The following LPCAT1 variants were observed in gnomAD, a reference collection of about 807,000 sequenced individuals.
LPCAT1 encodes 1-acylglycerol-3-phosphate O-acyltransferase.
A neutral mutation model predicts 60.9 loss-of-function variants in LPCAT1; 23 were observed. The ratio of observed to expected loss-of-function variants is 0.38; its 90% confidence interval spans 0.27 to 0.53. The LOEUF (loss-of-function observed/expected upper bound fraction) is 0.53, where lower values mean the gene tolerates loss of function less well. Ranked by LOEUF, LPCAT1 falls within the 20% of genes least tolerant of loss-of-function variation. The probability of loss-of-function intolerance (pLI) is 0.82; values close to 1 mark genes in which losing one functional copy is unlikely to be tolerated. For synonymous variants in LPCAT1, 340 were observed against 301.1 expected, an observed-to-expected ratio of 1.13 and a Z score of -1.34; for missense variants, 622 against 723.6, an observed-to-expected ratio of 0.86 and a Z score of 1.61.
intron 11 of LPCAT1, among the ~76,000 whole-genome samples, chr5:1,472,196 C>T (rs78091080): frequency 2.1e-4 from 28 of 136,418 alleles, no homozygotes; most frequent in Non-Finnish European, 3.5e-4. Flanking sequence ...CAGGAGGAGG[C>T]GAGGTGAGGA....
chr5:1,479,723 A>ACC, intron 7 of LPCAT1, 48 bp from the exon 8 acceptor site: 2 of 1,436,330 alleles, frequency 1.4e-6, no homozygotes, highest in Non-Finnish European at 9.8e-7. Flanking sequence ...ACTCGGGTTA[A>ACC]CAAGTAAATT....
intron 1 of LPCAT1, among the ~76,000 whole-genome samples, chr5:1,507,855 A>G (rs760701406): frequency 6.6e-6 from 1 of 152,226 alleles, no homozygotes; most frequent in Admixed American, 6.5e-5. Context: ...GAAAGCCCCA[A>G]TGACAACAAG....
intron 1 of LPCAT1, among the ~76,000 whole-genome samples, chr5:1,520,821 C>T (rs1432220670): frequency 1.4e-5 from 2 of 146,370 alleles, no homozygotes; most frequent in African/African-American, 5.1e-5. Context: ...CGATATCGCA[C>T]CTCTGCACTC....
At chr5:1,519,307 A>G (rs114438678) in intron 1 of LPCAT1, among the ~76,000 whole-genome samples, 397 of 152,348 alleles carry the variant, frequency 2.6e-3, no homozygotes, top group African/African-American at 9.1e-3. Flanking sequence ...GTATGCACTT[A>G]TGTATATGTG....
At chr5:1,474,441 G>T in intron 10 of LPCAT1, 119 bp downstream of exon 10, 2 of 1,296,326 alleles carry the variant, frequency 1.5e-6, no homozygotes, top group Non-Finnish European at 2.1e-6. Flanking sequence ...TTTGAAAAAA[G>T]CCAGAATAAT....
intron 13 of LPCAT1, among the ~76,000 whole-genome samples, chr5:1,464,389 T>C (rs1400719381): frequency 6.6e-6 from 1 of 152,174 alleles, no homozygotes; most frequent in Non-Finnish European, 1.5e-5. Flanking sequence ...GGGCTGGTCA[T>C]GCTAGGCCGC....
chr5:1,481,104 G>A lies in LPCAT1; in HGVS notation c.727-128C>T, dbSNP rs969961528. The A allele has an allele frequency of 8.5e-7, 1 of 1,176,706 alleles. No individual in the cohort carries two copies. Among genetic ancestry groups the A allele is most frequent in the Non-Finnish European group, 1.3e-6 (1 of 799,670 alleles). 72.9% of individuals were successfully genotyped at this position (1,176,706 alleles called of 1,614,324 possible). ...AGGCGCTGCAGCCAGGGGGAAGGGA[G>A]GAGGGTGCTAGAGCTCCAGCTTCCC... is the stretch of plus-strand genomic sequence containing the variant. On this transcript the variant is annotated intron_variant, in intron 6 of 13. Transcript: ENST00000283415. This position sits in a 1 kb window ranked among gnomAD's most constrained non-coding sequence, Gnocchi z 7.8.
At chr5:1,492,960 T>TG (rs1050061437) in intron 3 of LPCAT1, among the ~76,000 whole-genome samples, 6 of 152,076 alleles carry the variant, frequency 3.9e-5, no homozygotes, top group African/African-American at 4.8e-5. Context: ...TTTGCCACAG[T>TG]GGGGGGGCAA....
intron 11 of LPCAT1, 55 bp from the exon 12 acceptor site, chr5:1,470,979 C>T (rs578204818): frequency 3.6e-5 from 54 of 1,497,316 alleles, no homozygotes; most frequent in Non-Finnish European, 4.4e-5. Flanking sequence ...ACTGGAGAAA[C>T]GCCAGGGTTT....
intron 11 of LPCAT1, among the ~76,000 whole-genome samples, chr5:1,472,337 G>A (rs1734716776): frequency 2.0e-5 from 3 of 152,106 alleles, no homozygotes; most frequent in Admixed American, 6.5e-5. Flanking sequence ...AGGTGCTAGG[G>A]GTGAGACGCA....
At position 1,466,763 on chromosome 5, in the gene LPCAT1, C is replaced by G; in HGVS notation, c.1406G>C (p.Gly469Ala). ...LFRAIDQEEK[G>A]KITFADFHRF... The stretch of plus-strand genomic sequence containing the variant: ...TGCGGGCTCACCGAATGTGATCTTC[C>G]CCTTCTCCTCTTGGTCAATGGCTCG... The change falls in exon 13 of 14, where the codon GGG (glycine) becomes GCG (alanine). Residue 469 changes from glycine to alanine, a missense_variant. Physicochemically the swap from Gly to Ala is moderately conservative, Grantham distance 60 (BLOSUM62 0). Coordinates refer to ENST00000283415, the MANE Select transcript of LPCAT1 (RefSeq NM_024830.5). 1 of 1,612,044 alleles carries G rather than the reference C, an allele frequency of 6.2e-7. No homozygotes were observed. Among genetic ancestry groups the G allele is most frequent in the South Asian group, 1.1e-5 (1 of 90,816 alleles).
intron 5 of LPCAT1, among the ~76,000 whole-genome samples, chr5:1,488,022 G>A (rs569834875): frequency 6.6e-6 from 1 of 152,288 alleles, no homozygotes; most frequent in East Asian, 1.9e-4. Flanking sequence ...TTGCACCTGG[G>A]ATTCCCAGGC....
intron 4 of LPCAT1, among the ~76,000 whole-genome samples, 167 bp downstream of exon 4, chr5:1,489,579 G>A (rs572737783): frequency 6.6e-5 from 10 of 152,356 alleles, no homozygotes; most frequent in East Asian, 1.9e-4. Flanking sequence ...TTCGGGCACC[G>A]AAACCAAATG....
At chr5:1,490,298 G>A (rs995327586) in intron 3 of LPCAT1, among the ~76,000 whole-genome samples, 3 of 152,188 alleles carry the variant, frequency 2.0e-5, no homozygotes, top group Non-Finnish European at 2.9e-5. Flanking sequence ...TCCTGGTACC[G>A]GGAATGGGAC....
intron 1 of LPCAT1, among the ~76,000 whole-genome samples, chr5:1,519,946 C>T (rs1249151893): frequency 6.6e-6 from 1 of 152,218 alleles, no homozygotes; most frequent in African/African-American, 2.4e-5. Flanking sequence ...GGGTACACTG[C>T]CCAGGGCTCC....
In LPCAT1 at chr5:1,494,918, C is replaced by A; in HGVS notation, c.279-4G>T. The A allele has an allele frequency of 2.5e-6, 4 of 1,596,890 alleles. No homozygotes were observed. The South Asian group carries it at 3.3e-5, about 13-fold the overall frequency. ...CTTCAGCAGGAAGTCCACAACCCTGCAAAAGAGGGCGCTGCGTCACGCGGG... is the reference window on the plus strand; with the variant it reads ...CTTCAGCAGGAAGTCCACAACCCTGAAAAAGAGGGCGCTGCGTCACGCGGG... On this transcript the variant is annotated splice_polypyrimidine_tract_variant and splice_region_variant and intron_variant, in intron 2 of 13. Transcript: ENST00000283415.
chr5:1,480,281 C>T lies in LPCAT1; in HGVS notation c.762-606G>A. ...CCAGCTGGGAGCCTCCACACGCCAG[C>T]CTGGGAAGCGCTGACCTCAACACCT... is the stretch of plus-strand genomic sequence containing the variant. On this transcript the variant is annotated intron_variant, in intron 7 of 13. Transcript: ENST00000283415. The surrounding 1 kb of genome is among the most constrained non-coding windows in gnomAD (Gnocchi z 6.4). The T allele has an allele frequency of 5.1e-6, 5 of 978,036 alleles. No individual in the cohort carries two copies. The highest frequency in any genetic ancestry group is 6.1e-6 in the Non-Finnish European group (5 of 823,736). 60.6% of individuals were successfully genotyped at this position (978,036 alleles called of 1,614,324 possible). A position where few individuals can be genotyped will look rare whatever the true frequency, so the allele number is the denominator to read the frequency against.
At chr5:1,464,967 C>G (rs975532460) in intron 13 of LPCAT1, among the ~76,000 whole-genome samples, 10 of 151,766 alleles carry the variant, frequency 6.6e-5, no homozygotes, top group African/African-American at 2.4e-4. Context: ...TACACACATG[C>G]ACGCACACAT....
At chr5:1,503,217 C>T (rs112665448) in intron 1 of LPCAT1, among the ~76,000 whole-genome samples, 8 of 152,160 alleles carry the variant, frequency 5.3e-5, no homozygotes, top group African/African-American at 1.4e-4. Context: ...GCTGGGTCCC[C>T]GCTTCAGCAT....
Sources: allele counts gnomAD v4.1 joint callset (sites outside exome capture counted in the v4.1 genomes callset), GRCh38; gene constraint gnomAD v4.1.1; non-coding constraint Gnocchi (gnomAD v3.1); transcripts MANE v1.5; gene names NCBI Gene and HGNC (gene_info 2026-07-23, HGNC 2026-07-21).